Variants in CDK19 observed in about 807,000 individuals in gnomAD.
CDK19 encodes the protein cyclin dependent kinase 19.
A neutral mutation model predicts 68.3 loss-of-function variants in CDK19; 20 were observed. The observed-to-expected ratio is 0.29, with a 90% CI of 0.21 to 0.43. CDK19 has a LOEUF of 0.43. Among genes scored for constraint, CDK19 ranks in the 20% least tolerant of loss-of-function variants. The pLI is 1.00. For synonymous variants in CDK19, 221 were observed against 222.8 expected (o/e 0.99, Z 0.07); for missense variants, 339 against 623.5 (o/e 0.54, Z 4.86).
At chr6:110,693,456 G>A (rs1350710342) in intron 2 of CDK19, among the ~76,000 whole-genome samples, 1 of 152,226 alleles carries the variant, frequency 6.6e-6, no homozygotes, top group Non-Finnish European at 1.5e-5. Flanking sequence ...GGTGGGAAGG[G>A]GCAAGGCTGG....
At chr6:110,781,116 A>G (rs567290087) in intron 1 of CDK19, among the ~76,000 whole-genome samples, 1 of 152,282 alleles carries the variant, frequency 6.6e-6, no homozygotes, top group Non-Finnish European at 1.5e-5. Context: ...GGAATACCTC[A>G]AACTGGCTAA....
At chr6:110,761,153 G>A (rs1191086363) in intron 1 of CDK19, among the ~76,000 whole-genome samples, 1 of 152,040 alleles carries the variant, frequency 6.6e-6, no homozygotes, top group Non-Finnish European at 1.5e-5. Flanking sequence ...TCATTTTGTT[G>A]CCCAGGCTGG....
At chr6:110,749,224 CTA>C (rs1432138133) in intron 1 of CDK19, among the ~76,000 whole-genome samples, 1 of 152,164 alleles carries the variant, frequency 6.6e-6, no homozygotes, top group Non-Finnish European at 1.5e-5. Flanking sequence ...GATGTTTCTT[CTA>C]TATGTCTATA....
chr6:110,623,548 A>G (rs535264008), intron 8 of CDK19, 186 bp from the exon 9 acceptor site: 17 of 321,802 alleles, frequency 5.3e-5, no homozygotes, highest in African/African-American at 3.6e-4. Flanking sequence ...CACACACAAC[A>G]TGAGAGTTTA....
intron 1 of CDK19, among the ~76,000 whole-genome samples, chr6:110,761,747 G>C (rs2114954768): frequency 6.6e-6 from 1 of 152,166 alleles, no homozygotes; most frequent in Non-Finnish European, 1.5e-5. Context: ...GATGCTCAGT[G>C]GTTTACCAAT....
At chr6:110,685,567 A>C (rs1772404489) in intron 2 of CDK19, among the ~76,000 whole-genome samples, 1 of 152,232 alleles carries the variant, frequency 6.6e-6, no homozygotes, top group Admixed American at 6.5e-5. Context: ...AAACACATGT[A>C]GATTTTCAAC....
chr6:110,814,926 C>T lies in CDK19; in HGVS notation c.128+83G>A, dbSNP rs749801407. 3.2e-6 allele frequency: 5 copies of T among 1,575,034 alleles called. No individual in the cohort carries two copies. In the East Asian group the frequency reaches 7.2e-5, roughly 23 times the overall value. ...GCCTCGCCCCTCGGGCACGGCCCGA[C>T]TGGGATCCGACCCACCCATCCCGCC... is the stretch of plus-strand genomic sequence containing the variant. On this transcript the variant is annotated intron_variant, in intron 1 of 12. Coordinates refer to ENST00000368911, the MANE Select transcript of CDK19 (RefSeq NM_015076.5).
At chr6:110,671,161 G>GA (rs896849958) in intron 2 of CDK19, among the ~76,000 whole-genome samples, 1 of 151,720 alleles carries the variant, frequency 6.6e-6, no homozygotes, top group African/African-American at 2.4e-5. Context: ...CCTGTAAACA[G>GA]AAAAAAAGAA....
intron 1 of CDK19, among the ~76,000 whole-genome samples, chr6:110,811,746 A>G (rs1270155022): frequency 6.6e-6 from 1 of 151,894 alleles, no homozygotes; most frequent in East Asian, 1.9e-4. Context: ...CAAGAGTAAC[A>G]TTTGGCTGGG....
intron 1 of CDK19, among the ~76,000 whole-genome samples, chr6:110,766,988 G>C (rs924375052): frequency 3.3e-5 from 5 of 151,852 alleles, no homozygotes; most frequent in Non-Finnish European, 5.9e-5. Context: ...TCCAAAATAA[G>C]ATGGGCATTG....
intron 2 of CDK19, among the ~76,000 whole-genome samples, chr6:110,674,702 A>C (rs1771330050): frequency 1.3e-5 from 2 of 152,132 alleles, no homozygotes; most frequent in South Asian, 4.1e-4. Context: ...GGAGTTCAAG[A>C]CCAGCCCGAC....
chr6:110,777,647 G>A (rs924791746), intron 1 of CDK19, among the ~76,000 whole-genome samples: 9 of 152,262 alleles, frequency 5.9e-5, no homozygotes, highest in South Asian at 2.1e-4. Context: ...TCTGGGTATG[G>A]AGTCAAAAGA....
intron 2 of CDK19, 111 bp from the exon 3 acceptor site, chr6:110,670,652 A>C: frequency 1.4e-6 from 1 of 697,482 alleles, no homozygotes; most frequent in East Asian, 2.7e-5. Flanking sequence ...AATCCAGGTA[A>C]GCAAAATGAA....
intron 1 of CDK19, among the ~76,000 whole-genome samples, chr6:110,803,146 C>T (rs1173965471): frequency 6.6e-6 from 1 of 152,042 alleles, no homozygotes; most frequent in Non-Finnish European, 1.5e-5. Flanking sequence ...GTGGTGCCAT[C>T]TCGGCTCACT....
chr6:110,626,765 G>A lies in CDK19; in HGVS notation c.860+11C>T. On this transcript the variant is annotated intron_variant, in intron 8 of 12. Coordinates refer to ENST00000368911, the MANE Select transcript of CDK19 (RefSeq NM_015076.5). ...AGCACAAAAAGACTAAGACTGTGTG[G>A]AATTACTTACGTTGTTCTTCTAAAG... is the stretch of plus-strand genomic sequence containing the variant. 1 of 1,490,316 alleles carries A rather than the reference G, an allele frequency of 6.7e-7. No homozygotes were observed. Among genetic ancestry groups the A allele is most frequent in the Non-Finnish European group, 9.2e-7 (1 of 1,084,320 alleles). 92.3% of individuals were successfully genotyped at this position (1,490,316 alleles called of 1,614,324 possible). A position where few individuals can be genotyped will look rare whatever the true frequency, so the allele number is the denominator to read the frequency against.
intron 2 of CDK19, among the ~76,000 whole-genome samples, chr6:110,686,396 C>T (rs1226589401): frequency 6.6e-6 from 1 of 152,200 alleles, no homozygotes; most frequent in African/African-American, 2.4e-5. Flanking sequence ...CATGAATACA[C>T]AGACGCTAAA....
intron 1 of CDK19, among the ~76,000 whole-genome samples, chr6:110,771,326 C>T (rs1583063981): frequency 1.3e-5 from 2 of 152,336 alleles, no homozygotes; most frequent in East Asian, 3.9e-4. Context: ...GACTTCTGTG[C>T]ACCCACAGGC....
At chr6:110,660,501 G>A (rs1486950358) in intron 4 of CDK19, among the ~76,000 whole-genome samples, 2 of 152,168 alleles carry the variant, frequency 1.3e-5, no homozygotes, top group African/African-American at 4.8e-5. Flanking sequence ...CGTGGCACCC[G>A]AGTTCTTGTC....
chr6:110,648,538 CTTTTTTTTTTTTT>C (rs60624969), intron 4 of CDK19, among the ~76,000 whole-genome samples: 1 of 120,218 alleles, frequency 8.3e-6, no homozygotes, highest in African/African-American at 3.1e-5. Context: ...TTTTTCTTTT[CTTTTTTTTTTTTT>C]TTTTTTTGAG....
Sources: allele counts gnomAD v4.1 joint callset (sites outside exome capture counted in the v4.1 genomes callset), GRCh38; gene constraint gnomAD v4.1.1; transcripts MANE v1.5; gene names NCBI Gene and HGNC (gene_info 2026-07-23, HGNC 2026-07-21).